The following PIWIL4 variants were observed in gnomAD, a reference collection of about 807,000 sequenced individuals.
The protein encoded by PIWIL4 is piwi like RNA-mediated gene silencing 4, also known as piwi-like protein 4.
A neutral mutation model predicts 100.9 loss-of-function variants in PIWIL4; 50 were observed. The observed-to-expected ratio is 0.50, with a 90% CI of 0.39 to 0.63. The LOEUF (loss-of-function observed/expected upper bound fraction) is 0.63, where lower values mean the gene tolerates loss of function less well. Ranked by LOEUF, PIWIL4 falls within the 20% of genes least tolerant of loss-of-function variation. PIWIL4 has a pLI of 0.00. For missense variants in PIWIL4, 887 were observed against 1,043.3 expected, an observed-to-expected ratio of 0.85 and a Z score of 2.06; for synonymous variants, 342 against 367.5, an observed-to-expected ratio of 0.93 and a Z score of 0.79.
At position 94,590,566 on chromosome 11, in the gene PIWIL4, G is replaced by C. The variant is rs559467897; in HGVS notation, c.1026+1334G>C. Among the ~76,000 whole-genome samples, 6 of 152,102 alleles carry C rather than the reference G, an allele frequency of 3.9e-5. No individual in the cohort carries two copies. In the East Asian group the frequency reaches 1.2e-3, roughly 29 times the overall value. On this transcript the variant is annotated intron_variant, in intron 8 of 19. Coordinates refer to ENST00000299001, the MANE Select transcript of PIWIL4 (RefSeq NM_152431.3). Reference sequence around the variant, plus strand: ...TCATCTCCATTTCCAGAACATATTTGCATGAATACCCTGCAGGCATCTCAA... The same window carrying C: ...TCATCTCCATTTCCAGAACATATTTCCATGAATACCCTGCAGGCATCTCAA...
At chr11:94,610,545 G>A (rs1948777663) in intron 15 of PIWIL4, among the ~76,000 whole-genome samples, 1 of 152,072 alleles carries the variant, frequency 6.6e-6, no homozygotes, top group South Asian at 2.1e-4. Context: ...TCCTACAGGT[G>A]TAAGGTGATA....
Position 94,587,258 on chromosome 11 carries a change from G to A in PIWIL4, c.914+11G>A, listed in dbSNP as rs930953195. 1 of 1,602,204 alleles carries A rather than the reference G, an allele frequency of 6.2e-7. No homozygotes were observed. The highest frequency in any genetic ancestry group is 1.7e-4 in the Middle Eastern group (1 of 5,986). On this transcript the variant is annotated intron_variant, in intron 7 of 19. Transcript: ENST00000299001. ...CATTGTCCTTACAAGGTACAAGCCTGCGTCTAAATAAACTTTTCTTCAGAA... is the reference window on the plus strand; with the variant it reads ...CATTGTCCTTACAAGGTACAAGCCTACGTCTAAATAAACTTTTCTTCAGAA...
At chr11:94,615,589 T>C (rs1026404154) in intron 15 of PIWIL4, among the ~76,000 whole-genome samples, 1 of 152,186 alleles carries the variant, frequency 6.6e-6, no homozygotes, top group Non-Finnish European at 1.5e-5. Context: ...GCATTCCTAA[T>C]TGTGTTCTGT....
In PIWIL4 at chr11:94,584,819, C is replaced by T. The variant is rs1948376450; in HGVS notation, c.636-626C>T. 1.3e-5 allele frequency among the ~76,000 whole-genome samples: 2 copies of T among 152,144 alleles called. 1 individual carries two copies. The highest frequency in any genetic ancestry group is 4.1e-4 in the South Asian group (2 of 4,832). On this transcript the variant is annotated intron_variant, in intron 5 of 19. Transcript: ENST00000299001. Reference sequence around the variant, plus strand: ...GTGGCTCACACCTGTAATCCCAGCACTTTGGGAGGCAGAGGCGGGCAGATC... The same window carrying T: ...GTGGCTCACACCTGTAATCCCAGCATTTTGGGAGGCAGAGGCGGGCAGATC...
chr11:94,578,940 T>TA (rs1012945415), intron 4 of PIWIL4, among the ~76,000 whole-genome samples: 12 of 152,290 alleles, frequency 7.9e-5, no homozygotes, highest in African/African-American at 2.6e-4. Flanking sequence ...GCCTGAGAGC[T>TA]AAAAAAAGAC....
At chr11:94,590,956 G>A (rs1486663096) in intron 8 of PIWIL4, among the ~76,000 whole-genome samples, 1 of 152,164 alleles carries the variant, frequency 6.6e-6, no homozygotes, top group Admixed American at 6.5e-5. Context: ...GGCTCCAGCT[G>A]TGTAACCCTG....
rs2135307427 is a variant in PIWIL4, at chr11:94,617,975, AG to A, written c.2037del (p.Lys679AsnfsTer10). The A allele has an allele frequency of 6.2e-7, 1 of 1,613,954 alleles. No individual in the cohort carries two copies. Among genetic ancestry groups the A allele is most frequent in the East Asian group, 2.2e-5 (1 of 44,868 alleles). On this transcript the variant is annotated frameshift_variant, in exon 17 of 20. Transcript: ENST00000299001. LOFTEE classifies it high-confidence loss of function. ...FMTGALNKWY[K>X]YNHDLPARII... Reference sequence around the variant, plus strand: ...GCAGGAGCACTCAACAAATGGTACAAGTACAATCATGATTTGCCAGCACGGA... The same window carrying A: ...GCAGGAGCACTCAACAAATGGTACAATACAATCATGATTTGCCAGCACGGA...
chr11:94,587,417 G>A (rs12286998), intron 7 of PIWIL4, among the ~76,000 whole-genome samples, 170 bp downstream of exon 7: 1,749 of 152,262 alleles, frequency 0.011, 30 homozygotes, highest in African/African-American at 0.039. Context: ...TCCTTGTGTG[G>A]CATTCTGGAC....
chr11:94,584,457 C>T (rs1407258264), intron 5 of PIWIL4, among the ~76,000 whole-genome samples: 1 of 152,196 alleles, frequency 6.6e-6, no homozygotes, highest in South Asian at 2.1e-4. Flanking sequence ...CAGCTTACTG[C>T]ATATCAGCTC....
chr11:94,581,566 C>T (rs767578399), intron 4 of PIWIL4, among the ~76,000 whole-genome samples: 5 of 152,102 alleles, frequency 3.3e-5, no homozygotes, highest in Non-Finnish European at 4.4e-5. Flanking sequence ...TCACTGAAGA[C>T]GTTGGAGAGC....
chr11:94,607,617 AGCTGTGG>A lies in PIWIL4; in HGVS notation c.1825_1831del (p.Ala609LysfsTer4). 2 of 1,614,016 alleles carry A rather than the reference AGCTGTGG, an allele frequency of 1.2e-6. No homozygotes were observed. Among genetic ancestry groups the A allele is most frequent in the Non-Finnish European group, 1.7e-6 (2 of 1,179,984 alleles). On this transcript the variant is annotated frameshift_variant, in exon 14 of 20. Transcript: ENST00000299001. LOFTEE classifies it high-confidence loss of function. ...CAGATGACTTGCAAGCTCGGAGGCG[AGCTGTGG>A]GCTGTGGAAATACCTGTAAGGACCC...
rs924021004 is a variant in PIWIL4, at chr11:94,621,067, G to A, written c.*75G>A. 103 of 1,041,022 alleles carry A rather than the reference G, an allele frequency of 9.9e-5. No homozygotes were observed. Among genetic ancestry groups the A allele is most frequent in the Non-Finnish European group, 3.2e-5 (22 of 685,420 alleles). The allele number at this position is 1,041,022 out of a possible 1,614,324, so 64.5% of individuals were successfully genotyped here. A position where few individuals can be genotyped will look rare whatever the true frequency, so the allele number is the denominator to read the frequency against. ...TATACTTTGTGCAAATCTGCCATAA[G>A]CTCAAGGCTGTGACTGGGGAAAAAG... is the stretch of plus-strand genomic sequence containing the variant. On this transcript the variant is annotated 3_prime_UTR_variant, in exon 20 of 20. Coordinates refer to ENST00000299001, the MANE Select transcript of PIWIL4 (RefSeq NM_152431.3).
At chr11:94,567,636 G>T (rs1238830241) in intron 1 of PIWIL4, 31 bp downstream of exon 1, 2 of 1,554,182 alleles carry the variant, frequency 1.3e-6, no homozygotes, top group East Asian at 4.6e-5. Flanking sequence ...GCATGGTTTC[G>T]TTTTCTCCTA....
intron 16 of PIWIL4, 43 bp from the exon 17 acceptor site, chr11:94,617,911 A>G (rs764421354): frequency 8.8e-6 from 14 of 1,593,010 alleles, no homozygotes; most frequent in Non-Finnish European, 1.2e-5. Context: ...TTTTGTTGGC[A>G]TTAGAAAAGT....
intron 15 of PIWIL4, among the ~76,000 whole-genome samples, chr11:94,615,463 G>A (rs1232386183): frequency 1.3e-5 from 2 of 152,178 alleles, no homozygotes; most frequent in African/African-American, 2.4e-5. Flanking sequence ...CACCATTGGA[G>A]TTAGTCTCAT....
chr11:94,599,701 G>C (rs1948609056), intron 11 of PIWIL4, among the ~76,000 whole-genome samples: 1 of 152,208 alleles, frequency 6.6e-6, no homozygotes, highest in South Asian at 2.1e-4. Context: ...TTGGAAGTCA[G>C]ATAAGTCAGA....
chr11:94,584,358 G>A (rs1304200902), intron 5 of PIWIL4, among the ~76,000 whole-genome samples: 1 of 152,148 alleles, frequency 6.6e-6, no homozygotes, highest in African/African-American at 2.4e-5. Flanking sequence ...AGTCGTATGA[G>A]CACATCAGGA....
chr11:94,571,771 C>T (rs1201138082), intron 2 of PIWIL4, among the ~76,000 whole-genome samples: 7 of 152,192 alleles, frequency 4.6e-5, no homozygotes, highest in Non-Finnish European at 2.9e-5. Context: ...TTTATAGTAG[C>T]ATGACTTATA....
chr11:94,618,174 C>A, intron 17 of PIWIL4, 67 bp downstream of exon 17: 1 of 1,427,442 alleles, frequency 7.0e-7, no homozygotes, highest in East Asian at 2.4e-5. Context: ...CTATTACACA[C>A]AAGGTATTCA....
Sources: gnomAD v4.1 joint callset for allele counts (sites outside exome capture counted in the v4.1 genomes callset) on GRCh38, gnomAD v4.1.1 for gene constraint, MANE v1.5 for transcripts, NCBI Gene and HGNC (gene_info 2026-07-23, HGNC 2026-07-21) for gene names.